The following TSPAN9 variants were observed in gnomAD, a reference collection of about 807,000 sequenced individuals.
TSPAN9 encodes the protein tetraspanin-9.
A neutral mutation model predicts 31.0 loss-of-function variants in TSPAN9; 16 were observed. The ratio of observed to expected loss-of-function variants is 0.52; its 90% confidence interval spans 0.35 to 0.78. TSPAN9 has a LOEUF of 0.78. Ranked by LOEUF, TSPAN9 falls within the 30% of genes least tolerant of loss-of-function variation. TSPAN9 has a pLI of 0.01. For missense variants in TSPAN9, 272 were observed against 312.5 expected (o/e 0.87, Z 0.98); for synonymous variants, 145 against 121.6 (o/e 1.19, Z -1.27).
At chr12:3,163,803 A>C (rs1050843499) in intron 2 of TSPAN9, among the ~76,000 whole-genome samples, 1 of 152,246 alleles carries the variant, frequency 6.6e-6, no homozygotes, top group Non-Finnish European at 1.5e-5. Flanking sequence ...AGCAGATAAC[A>C]CATCAGTGGT....
At chr12:3,246,134 T>TG in intron 3 of TSPAN9, among the ~76,000 whole-genome samples, 1 of 47,016 alleles carries the variant, frequency 2.1e-5, no homozygotes, top group South Asian at 1.8e-3. Flanking sequence ...TGGTGGAAGA[T>TG]GAAGGGGAAC....
intron 3 of TSPAN9, among the ~76,000 whole-genome samples, chr12:3,230,221 G>A (rs2098389949): frequency 6.6e-6 from 1 of 152,256 alleles, no homozygotes; most frequent in East Asian, 1.9e-4. Context: ...TTGGAAGGCC[G>A]GTGCCGGTTA....
chr12:3,112,809 C>T (rs944112705), intron 2 of TSPAN9, among the ~76,000 whole-genome samples: 3 of 151,544 alleles, frequency 2.0e-5, no homozygotes, highest in East Asian at 3.9e-4. Flanking sequence ...CAGACTCCCC[C>T]GTAGCTGGGG....
chr12:3,161,728 C>G (rs1038865281), intron 2 of TSPAN9, among the ~76,000 whole-genome samples: 13 of 152,292 alleles, frequency 8.5e-5, no homozygotes, highest in African/African-American at 3.1e-4. Context: ...CAGAATGGTG[C>G]TTGCTATGGT....
chr12:3,263,786 A>G (rs1442061973), intron 3 of TSPAN9, among the ~76,000 whole-genome samples: 1 of 152,010 alleles, frequency 6.6e-6, no homozygotes, highest in Non-Finnish European at 1.5e-5. Context: ...GCCACTGCAG[A>G]GTGTTGGGGG....
intron 2 of TSPAN9, among the ~76,000 whole-genome samples, chr12:3,105,855 TTC>T (rs2098314341): frequency 1.0e-5 from 1 of 97,028 alleles, no homozygotes; most frequent in African/African-American, 4.1e-5. Flanking sequence ...CTCACACACG[TTC>T]ACACACACAC....
At chr12:3,264,948 T>C (rs1197639327) in intron 3 of TSPAN9, among the ~76,000 whole-genome samples, 1 of 152,216 alleles carries the variant, frequency 6.6e-6, no homozygotes, top group Non-Finnish European at 1.5e-5. Context: ...CAGCCACGGC[T>C]GTCTCTAACC....
At chr12:3,171,099 C>T (rs967429404) in intron 2 of TSPAN9, among the ~76,000 whole-genome samples, 7 of 152,164 alleles carry the variant, frequency 4.6e-5, no homozygotes, top group Admixed American at 1.3e-4. Flanking sequence ...CCCAGCACAT[C>T]TCCCTGCTGC....
chr12:3,217,479 A>T (rs899418712), intron 3 of TSPAN9, among the ~76,000 whole-genome samples: 1 of 152,150 alleles, frequency 6.6e-6, no homozygotes, highest in Non-Finnish European at 1.5e-5. Context: ...CTCTTCTGTC[A>T]TGCTGGGTCT....
intron 2 of TSPAN9, among the ~76,000 whole-genome samples, chr12:3,109,049 T>G (rs7488775): frequency 0.039 from 5,897 of 151,950 alleles, 155 homozygotes; most frequent in Middle Eastern, 0.099. Flanking sequence ...CATTCTCCTG[T>G]CTCAGCCTCC....
chr12:3,137,179 G>A (rs2098332515), intron 2 of TSPAN9, among the ~76,000 whole-genome samples: 1 of 152,240 alleles, frequency 6.6e-6, no homozygotes, highest in Non-Finnish European at 1.5e-5. Flanking sequence ...TCTCTGGGAT[G>A]GGTGTTCTTG....
At chr12:3,211,313 G>A (rs542578768) in intron 3 of TSPAN9, among the ~76,000 whole-genome samples, 2 of 152,248 alleles carry the variant, frequency 1.3e-5, no homozygotes, top group South Asian at 4.1e-4. Flanking sequence ...GTATGCCTGG[G>A]TCTTTTCCAC....
intron 3 of TSPAN9, among the ~76,000 whole-genome samples, chr12:3,239,359 A>G (rs1439446062): frequency 1.3e-5 from 2 of 152,170 alleles, no homozygotes; most frequent in African/African-American, 4.8e-5. Flanking sequence ...CAAGCCTGTC[A>G]TCTGAAAAGC....
intron 2 of TSPAN9, among the ~76,000 whole-genome samples, chr12:3,174,827 C>T (rs942315094): frequency 1.3e-5 from 2 of 151,898 alleles, no homozygotes; most frequent in Non-Finnish European, 2.9e-5. Context: ...CGTGATCCTC[C>T]CGCCTCGGCC....
chr12:3,268,608 C>G (rs1271551143), intron 3 of TSPAN9, among the ~76,000 whole-genome samples: 6 of 133,406 alleles, frequency 4.5e-5, no homozygotes, highest in African/African-American at 1.5e-4. Context: ...AGCCTGCCCT[C>G]CCTGTGTTCC....
At chr12:3,175,297 G>T (rs2098354896) in intron 2 of TSPAN9, among the ~76,000 whole-genome samples, 1 of 152,196 alleles carries the variant, frequency 6.6e-6, no homozygotes, top group Non-Finnish European at 1.5e-5. Flanking sequence ...ACATCAGGGT[G>T]TCTGGGCTCC....
chr12:3,105,545 G>A (rs997669571), intron 2 of TSPAN9, among the ~76,000 whole-genome samples: 3 of 152,022 alleles, frequency 2.0e-5, no homozygotes, highest in Non-Finnish European at 2.9e-5. Flanking sequence ...GCCTTGAGAG[G>A]GGCAGGGAGG....
intron 3 of TSPAN9, among the ~76,000 whole-genome samples, chr12:3,227,915 G>A (rs1239518672): frequency 6.6e-6 from 1 of 152,194 alleles, no homozygotes; most frequent in African/African-American, 2.4e-5. Flanking sequence ...TTCATGGGGT[G>A]CTTTCTGGCT....
intron 1 of TSPAN9, among the ~76,000 whole-genome samples, chr12:3,081,273 GGT>G (rs1565568099): frequency 6.6e-6 from 1 of 152,182 alleles, no homozygotes; most frequent in Non-Finnish European, 1.5e-5. Flanking sequence ...AGCCTGCAGT[GGT>G]TGTCATCCTC....
Sources: gnomAD v4.1 joint callset for allele counts (sites outside exome capture counted in the v4.1 genomes callset) on GRCh38, gnomAD v4.1.1 for gene constraint, MANE v1.5 for transcripts, NCBI Gene and HGNC (gene_info 2026-07-23, HGNC 2026-07-21) for gene names.